Variants in NTRK2 observed in about 807,000 individuals in gnomAD.
NTRK2 encodes BDNF/NT-3 growth factors receptor.
NTRK2 carries 13 observed loss-of-function variants against 94.5 expected under a neutral mutation model. The observed-to-expected ratio is 0.14, with a 90% CI of 0.09 to 0.22. The LOEUF (loss-of-function observed/expected upper bound fraction) is 0.22, where lower values mean the gene tolerates loss of function less well. Ranked by LOEUF, NTRK2 falls within the 10% of genes least tolerant of loss-of-function variation. The pLI is 1.00. For missense variants in NTRK2, 639 were observed against 1,071.2 expected, an observed-to-expected ratio of 0.60 and a Z score of 5.63; for synonymous variants, 372 against 407.4, an observed-to-expected ratio of 0.91 and a Z score of 1.05.
At chr9:84,928,611 T>C (rs1407877212) in intron 14 of NTRK2, among the ~76,000 whole-genome samples, 1 of 152,212 alleles carries the variant, frequency 6.6e-6, no homozygotes, top group Non-Finnish European at 1.5e-5. Context: ...GAATCCTAGC[T>C]GGGTCACCTT....
At chr9:84,813,672 C>T in intron 12 of NTRK2, 13 of 1,066,170 alleles carry the variant, frequency 1.2e-5, no homozygotes, top group Non-Finnish European at 1.5e-5. Flanking sequence ...CAATGTCTCC[C>T]CTCAACCCAT....
chr9:85,006,206 T>G (rs906088345), intron 17 of NTRK2, among the ~76,000 whole-genome samples: 1 of 152,206 alleles, frequency 6.6e-6, no homozygotes, highest in African/African-American at 2.4e-5. Flanking sequence ...ATGCAAATAG[T>G]CCATTGAGAG....
At chr9:84,827,570 G>C (rs1396454299) in intron 12 of NTRK2, among the ~76,000 whole-genome samples, 1 of 152,216 alleles carries the variant, frequency 6.6e-6, no homozygotes, top group Non-Finnish European at 1.5e-5. Context: ...AAAGAACACT[G>C]TGCAGGCCAG....
intron 2 of NTRK2, among the ~76,000 whole-genome samples, chr9:84,687,840 T>C (rs1185581283): frequency 6.6e-6 from 1 of 152,158 alleles, no homozygotes; most frequent in African/African-American, 2.4e-5. Context: ...TTATACCTTT[T>C]ATATGGTCTG....
chr9:84,754,848 A>T (rs1284463409), intron 12 of NTRK2, among the ~76,000 whole-genome samples: 1 of 152,216 alleles, frequency 6.6e-6, no homozygotes, highest in East Asian at 1.9e-4. Context: ...ATAGGCACTC[A>T]CAGCTTTTTG....
At chr9:84,717,062 T>C (rs1017583928) in intron 6 of NTRK2, among the ~76,000 whole-genome samples, 1 of 152,234 alleles carries the variant, frequency 6.6e-6, no homozygotes, top group African/African-American at 2.4e-5. Context: ...TTTAGTATTC[T>C]GTTGAGAGAG....
chr9:84,920,644 A>G (rs1003592931), intron 14 of NTRK2, among the ~76,000 whole-genome samples: 4 of 152,200 alleles, frequency 2.6e-5, no homozygotes, highest in Admixed American at 1.3e-4. Context: ...TCATGCATTA[A>G]CATGGAAGCC....
intron 12 of NTRK2, among the ~76,000 whole-genome samples, chr9:84,802,034 G>T (rs1046304509): frequency 2.0e-5 from 3 of 152,166 alleles, no homozygotes; most frequent in African/African-American, 4.8e-5. Context: ...TTTGCATCAG[G>T]TTATGAAGTA....
At chr9:84,810,740 G>T in intron 12 of NTRK2, 1 of 1,520,866 alleles carries the variant, frequency 6.6e-7, no homozygotes, top group Non-Finnish European at 8.8e-7. Flanking sequence ...TGTACTATAT[G>T]AAGCCTGCAT....
intron 12 of NTRK2, among the ~76,000 whole-genome samples, chr9:84,854,385 C>T (rs2074953423): frequency 6.6e-6 from 1 of 152,156 alleles, no homozygotes; most frequent in African/African-American, 2.4e-5. Context: ...TCTTAGTAAA[C>T]TACTTTTGCT....
chr9:84,939,051 CAAA>C (rs138558531), intron 15 of NTRK2, among the ~76,000 whole-genome samples: 1 of 68,414 alleles, frequency 1.5e-5, no homozygotes, highest in Admixed American at 2.1e-4. Flanking sequence ...GACCCCAACT[CAAA>C]AAAAAAAAAA....
intron 17 of NTRK2, among the ~76,000 whole-genome samples, chr9:84,963,353 T>A (rs897239780): frequency 1.5e-4 from 23 of 152,202 alleles, no homozygotes; most frequent in African/African-American, 5.3e-4. Flanking sequence ...GGCTTTGGGG[T>A]CATCAAAGAA....
At chr9:84,887,094 A>G (rs1275886344) in intron 14 of NTRK2, among the ~76,000 whole-genome samples, 1 of 152,238 alleles carries the variant, frequency 6.6e-6, no homozygotes, top group African/African-American at 2.4e-5. Flanking sequence ...TCCGTTCCCA[A>G]GAATAAGTTT....
chr9:84,785,808 A>G (rs1007065587), intron 12 of NTRK2, among the ~76,000 whole-genome samples: 5 of 152,160 alleles, frequency 3.3e-5, no homozygotes, highest in African/African-American at 1.2e-4. Flanking sequence ...GGTATTTAAG[A>G]AGAGTTGTGG....
intron 17 of NTRK2, among the ~76,000 whole-genome samples, chr9:84,976,631 A>T (rs1057179412): frequency 6.6e-6 from 1 of 152,178 alleles, no homozygotes; most frequent in African/African-American, 2.4e-5. Context: ...CAACTAAAAC[A>T]CTGTGAGATC....
intron 17 of NTRK2, among the ~76,000 whole-genome samples, chr9:84,993,165 T>C (rs1564532479): frequency 6.6e-6 from 1 of 152,236 alleles, no homozygotes; most frequent in East Asian, 1.9e-4. Flanking sequence ...CACTAACTGT[T>C]GGAATTTCTC....
At chr9:84,763,830 AT>A (rs58194416) in intron 12 of NTRK2, among the ~76,000 whole-genome samples, 6,884 of 145,786 alleles carry the variant, frequency 0.047, 239 homozygotes, top group African/African-American at 0.11. Flanking sequence ...CATGCGTTGC[AT>A]TTTTTTTTTT....
chr9:84,710,786 A>G lies in NTRK2; in HGVS notation c.578A>G (p.Asn193Ser). 1.9e-6 allele frequency: 3 copies of G among 1,613,992 alleles called. No individual in the cohort carries two copies. The highest frequency in any genetic ancestry group is 1.3e-5 in the African/African-American group (1 of 75,014). The change falls in exon 6 of 19, where the codon AAT (asparagine) becomes AGT (serine). Residue 193 changes from asparagine (N) to serine (S), a missense_variant. Transcript: ENST00000277120. ...NIPLANLQIP[N>S]CGLPSANLAA... is the part of the protein sequence containing the mutation. ...CCCCTGGCAAACCTGCAGATACCCA[A>G]TTGTGGTAATTTATTTTTAAATCAA...
chr9:84,926,334 G>C (rs1020201890), intron 14 of NTRK2, among the ~76,000 whole-genome samples: 2 of 151,806 alleles, frequency 1.3e-5, no homozygotes, highest in Non-Finnish European at 2.9e-5. Flanking sequence ...CCGGGTTCAA[G>C]CGATTCTCCT....
Sources: allele counts gnomAD v4.1 joint callset (sites outside exome capture counted in the v4.1 genomes callset), GRCh38; gene constraint gnomAD v4.1.1; transcripts MANE v1.5; gene names NCBI Gene and HGNC (gene_info 2026-07-23, HGNC 2026-07-21).